Variants in MYO9B observed in about 807,000 individuals in gnomAD.
MYO9B encodes unconventional myosin-IXb.
A neutral mutation model predicts 229.5 loss-of-function variants in MYO9B; 71 were observed. That is an observed-to-expected ratio of 0.31 (90% CI 0.26 to 0.38). The LOEUF (loss-of-function observed/expected upper bound fraction) is 0.38, where lower values mean the gene tolerates loss of function less well. Among genes scored for constraint, MYO9B ranks in the 10% least tolerant of loss-of-function variants. The pLI is 1.00. For synonymous variants in MYO9B, 1,185 were observed against 1,235.8 expected (o/e 0.96, Z 0.86); for missense variants, 2,255 against 2,920.5 (o/e 0.77, Z 5.25).
At chr19:17,102,687 G>C in intron 2 of MYO9B, 130 bp downstream of exon 2, 1 of 1,308,622 alleles carries the variant, frequency 7.6e-7, no homozygotes, top group Non-Finnish European at 1.0e-6. Context: ...GATTGCTTGA[G>C]CCCAGGAGTT....
intron 2 of MYO9B, among the ~76,000 whole-genome samples, chr19:17,139,511 A>G (rs2072311536): frequency 6.6e-6 from 1 of 152,116 alleles, no homozygotes; most frequent in Non-Finnish European, 1.5e-5. Context: ...TTGAGAGGCC[A>G]AAGTATGCAG....
intron 37 of MYO9B, 86 bp from the exon 38 acceptor site, chr19:17,210,629 C>T (rs2073216183): frequency 2.1e-6 from 3 of 1,442,292 alleles, no homozygotes; most frequent in Non-Finnish European, 2.8e-6. Flanking sequence ...CACATCACAA[C>T]TAACCTCCTG....
intron 2 of MYO9B, among the ~76,000 whole-genome samples, chr19:17,134,406 T>TTTTTTTTTTTTTTTTTATC (rs2072243679): frequency 8.3e-6 from 1 of 120,554 alleles, no homozygotes; most frequent in African/African-American, 3.3e-5. Context: ...TTTTTTTTTT[T>TTTTTTTTTTTTTTTTTATC]TTTGAGACAG....
At chr19:17,202,107 G>A (rs543674530) in intron 27 of MYO9B, 23 bp from the exon 28 acceptor site, 1 of 1,612,832 alleles carries the variant, frequency 6.2e-7, no homozygotes, top group African/African-American at 1.3e-5. Flanking sequence ...AGGCCTGCAG[G>A]GTGACGCCTA....
chr19:17,106,573 A>G (rs1003261767), intron 2 of MYO9B, among the ~76,000 whole-genome samples: 2 of 152,198 alleles, frequency 1.3e-5, no homozygotes, highest in African/African-American at 4.8e-5. Flanking sequence ...AGGGGGCTCA[A>G]CGGCTCTCCA....
rs1210651128 is a variant in MYO9B, at chr19:17,206,122, A to G, written c.5227A>G (p.Thr1743Ala). Residue 1743 changes from threonine (T) to alanine (A), a missense_variant, in exon 32 of 40, where the codon ACT (threonine) becomes GCT (alanine). Around this residue, in one of 7 missense-constraint regions of MYO9B, gnomAD observed 416 missense variants for 605.5 expected, o/e 0.69. Coordinates refer to ENST00000682292, the MANE Select transcript of MYO9B (RefSeq NM_004145.4). ...LYRKSGAANRTRELRQALQTD... is the reference protein window; with the variant it reads ...LYRKSGAANRARELRQALQTD... ...CCGCAAGTCGGGTGCTGCCAACCGC[A>G]CTCGGGAGCTCCGGCAGGCGCTGCA... 6.2e-7 allele frequency: 1 copy of G among 1,607,290 alleles called. No homozygotes were observed. The highest frequency in any genetic ancestry group is 8.5e-7 in the Non-Finnish European group (1 of 1,175,640).
intron 25 of MYO9B, 30 bp from the exon 26 acceptor site, chr19:17,200,609 C>A (rs756711088): frequency 1.9e-6 from 3 of 1,587,684 alleles, no homozygotes; most frequent in Non-Finnish European, 2.6e-6. Context: ...CTGAACCCAC[C>A]CTCACCGGCT....
chr19:17,158,812 C>T (rs1303177185), intron 7 of MYO9B, among the ~76,000 whole-genome samples: 2 of 152,148 alleles, frequency 1.3e-5, no homozygotes, highest in African/African-American at 4.8e-5. Flanking sequence ...TCACATAAGG[C>T]CTGTACATAC....
At chr19:17,109,360 C>A (rs768517082) in intron 2 of MYO9B, among the ~76,000 whole-genome samples, 3 of 152,066 alleles carry the variant, frequency 2.0e-5, no homozygotes, top group Admixed American at 6.6e-5. Context: ...CCACTGCGCC[C>A]GGCCATCATT....
chr19:17,141,913 G>A (rs999548474), intron 2 of MYO9B, among the ~76,000 whole-genome samples: 5 of 152,274 alleles, frequency 3.3e-5, no homozygotes, highest in Non-Finnish European at 7.3e-5. Flanking sequence ...GTGAGCCACC[G>A]TGCCTGTCAT....
chr19:17,121,689 C>T (rs11667918), intron 2 of MYO9B, among the ~76,000 whole-genome samples: 38,303 of 151,980 alleles, frequency 0.25, 5,092 homozygotes, highest in East Asian at 0.41. Flanking sequence ...TCACTTTTGC[C>T]GCATTAAAAG....
intron 2 of MYO9B, among the ~76,000 whole-genome samples, chr19:17,113,135 G>A (rs2057864861): frequency 6.6e-6 from 1 of 152,210 alleles, no homozygotes; most frequent in Non-Finnish European, 1.5e-5. Flanking sequence ...CTTGAGTTGT[G>A]TCTATGTTAC....
At chr19:17,100,935 G>A (rs372064142) in intron 1 of MYO9B, among the ~76,000 whole-genome samples, 8 of 151,454 alleles carry the variant, frequency 5.3e-5, no homozygotes, top group African/African-American at 1.9e-4. Flanking sequence ...TGTTACTGCT[G>A]TGTGGCCAAG....
At chr19:17,097,227 A>C (rs2057701728) in intron 1 of MYO9B, among the ~76,000 whole-genome samples, 1 of 151,734 alleles carries the variant, frequency 6.6e-6, no homozygotes, top group Non-Finnish European at 1.5e-5. Context: ...AGGCTGAGGC[A>C]GTAGAGTTGG....
At chr19:17,160,950 C>G (rs2072594250) in intron 8 of MYO9B, among the ~76,000 whole-genome samples, 1 of 151,976 alleles carries the variant, frequency 6.6e-6, no homozygotes. Context: ...CCACCCGCCT[C>G]GGCCTCCCAA....
In MYO9B at chr19:17,212,309, G is replaced by A. The variant is rs1225743249; in HGVS notation, c.6473G>A (p.Ter2158=). Residue 2158 remains the stop codon, a stop_retained_variant, in exon 40 of 40, where the codon TGA becomes TAA. Transcript: ENST00000682292. The surrounding 1 kb of genome is among the most constrained non-coding windows in gnomAD (Gnocchi z 5.4). ...LPPASGQTNG[*] Reference sequence around the variant, plus strand: ...CCCGCCTCGGGCCAGACCAATGGCTGAGAGCCACAGCTGACAAAGTCTGCA... The same window carrying A: ...CCCGCCTCGGGCCAGACCAATGGCTAAGAGCCACAGCTGACAAAGTCTGCA... 4.7e-6 allele frequency: 7 copies of A among 1,489,288 alleles called. No homozygotes were observed. Among genetic ancestry groups the A allele is most frequent in the African/African-American group, 1.4e-5 (1 of 71,048 alleles). The allele number at this position is 1,489,288 out of a possible 1,614,324, so 92.3% of individuals were successfully genotyped here. A position where few individuals can be genotyped will look rare whatever the true frequency, so the allele number is the denominator to read the frequency against.
intron 2 of MYO9B, among the ~76,000 whole-genome samples, chr19:17,124,449 A>G (rs1301168140): frequency 6.6e-6 from 1 of 152,148 alleles, no homozygotes; most frequent in Non-Finnish European, 1.5e-5. Flanking sequence ...TTTTAAAGTA[A>G]ACTTATATTG....
At chr19:17,130,848 T>C (rs1568265410) in intron 2 of MYO9B, among the ~76,000 whole-genome samples, 1 of 152,134 alleles carries the variant, frequency 6.6e-6, no homozygotes, top group South Asian at 2.1e-4. Context: ...ACAGATTCTC[T>C]GTTTGACTGA....
chr19:17,206,493 A>G, intron 33 of MYO9B, 117 bp downstream of exon 33: 4 of 1,456,114 alleles, frequency 2.7e-6, no homozygotes, highest in Non-Finnish European at 3.7e-6. Context: ...CTGAGGCCCA[A>G]AGCAGTCGGC....
Sources: allele counts gnomAD v4.1 joint callset (sites outside exome capture counted in the v4.1 genomes callset), GRCh38; gene constraint gnomAD v4.1.1; regional missense constraint gnomAD v4.1.1; non-coding constraint Gnocchi (gnomAD v3.1); transcripts MANE v1.5; gene names NCBI Gene and HGNC (gene_info 2026-07-23, HGNC 2026-07-21).